The following NREP variants were observed in gnomAD, a reference collection of about 807,000 sequenced individuals.
The protein encoded by NREP is neuronal regeneration-related protein.
A neutral mutation model predicts 8.6 loss-of-function variants in NREP; 5 were observed. That is an observed-to-expected ratio of 0.58 (90% CI 0.30 to 1.22). NREP has a LOEUF of 1.22. Among genes scored for constraint, NREP ranks in the 50% most tolerant of loss-of-function variants. NREP has a pLI of 0.07. For synonymous variants in NREP, 27 were observed against 28.0 expected (o/e 0.96, Z 0.11); for missense variants, 86 against 82.5 (o/e 1.04, Z -0.17).
chr5:111,901,964 G>A (rs1284601981), intron 2 of NREP, among the ~76,000 whole-genome samples: 1 of 152,010 alleles, frequency 6.6e-6, no homozygotes, highest in Non-Finnish European at 1.5e-5. Context: ...AAATTCCTAT[G>A]GAACCACAAA....
chr5:111,840,723 A>G (rs1753008697), intron 2 of NREP, among the ~76,000 whole-genome samples: 1 of 152,128 alleles, frequency 6.6e-6, no homozygotes, highest in Non-Finnish European at 1.5e-5. Flanking sequence ...TACTAAGATG[A>G]ATCAGACACA....
At chr5:111,753,124 T>C (rs1750468606) in intron 2 of NREP, among the ~76,000 whole-genome samples, 1 of 151,532 alleles carries the variant, frequency 6.6e-6, no homozygotes, top group Admixed American at 6.6e-5. Flanking sequence ...AGTTGGAGAA[T>C]GACTTATTGA....
intron 2 of NREP, among the ~76,000 whole-genome samples, chr5:111,885,528 A>G (rs990352008): frequency 6.6e-6 from 1 of 152,216 alleles, no homozygotes; most frequent in Non-Finnish European, 1.5e-5. Context: ...GTCCTAAGCC[A>G]AAAGAACAAA....
At chr5:111,798,318 T>G (rs75009966) in intron 2 of NREP, among the ~76,000 whole-genome samples, 6,168 of 152,304 alleles carry the variant, frequency 0.04, 161 homozygotes, top group Admixed American at 0.05. Context: ...TTTTTCTAAT[T>G]TCATAACTTT....
chr5:111,817,013 TTATTCCTATAACTAG>T (rs1292747130), intron 2 of NREP, among the ~76,000 whole-genome samples: 23 of 152,126 alleles, frequency 1.5e-4, no homozygotes, highest in African/African-American at 5.5e-4. Flanking sequence ...ACCAAATGAT[TTATTCCTATAACTAG>T]TTGATGTGCT....
intron 2 of NREP, among the ~76,000 whole-genome samples, chr5:111,947,872 A>C (rs981800286): frequency 6.6e-6 from 1 of 151,952 alleles, no homozygotes; most frequent in East Asian, 1.9e-4. Context: ...TGATCTTACA[A>C]ATGTCTTCCT....
intron 2 of NREP, among the ~76,000 whole-genome samples, chr5:111,871,145 A>G (rs1307237745): frequency 3.3e-5 from 5 of 151,470 alleles, no homozygotes; most frequent in Non-Finnish European, 7.4e-5. Flanking sequence ...AGGCAACTTC[A>G]TCATTGTGCA....
intron 2 of NREP, among the ~76,000 whole-genome samples, chr5:111,845,134 C>G (rs999108134): frequency 1.3e-5 from 2 of 152,036 alleles, no homozygotes; most frequent in African/African-American, 4.8e-5. Context: ...AGACCTTGTG[C>G]TAGGGTCTAA....
At chr5:111,835,465 G>T (rs1438573903) in intron 2 of NREP, among the ~76,000 whole-genome samples, 1 of 152,072 alleles carries the variant, frequency 6.6e-6, no homozygotes, top group African/African-American at 2.4e-5. Context: ...AATTATAAAG[G>T]TAGGGGCATG....
intron 2 of NREP, among the ~76,000 whole-genome samples, chr5:111,790,949 A>G (rs973787169): frequency 6.6e-6 from 1 of 152,178 alleles, no homozygotes; most frequent in African/African-American, 2.4e-5. Flanking sequence ...TGGGTTCAGC[A>G]GGGCCAACTG....
In NREP at chr5:111,784,851, A is replaced by G. The variant is rs187608102; in HGVS notation, c.136-49344T>C. Among the ~76,000 whole-genome samples the G allele has an allele frequency of 1.3e-3, 193 of 152,302 alleles. 2 individuals carry two copies. The East Asian group carries it at 0.031, about 25-fold the overall frequency. ...TTTTCAAGGTTCCCAATCATCACTC[A>G]TTTCACTTATTTTTATAAAGAAAGT... is the stretch of plus-strand genomic sequence containing the variant. On this transcript the variant is annotated intron_variant, in intron 2 of 3. Coordinates refer to the NREP transcript ENST00000395634.
chr5:111,840,376 A>G (rs1214380062), intron 2 of NREP, among the ~76,000 whole-genome samples: 2 of 152,094 alleles, frequency 1.3e-5, no homozygotes, highest in African/African-American at 2.4e-5. Flanking sequence ...CTTGTATGTA[A>G]ATTTAAGGAC....
intron 2 of NREP, among the ~76,000 whole-genome samples, chr5:111,850,177 G>C (rs1753274117): frequency 6.6e-6 from 1 of 152,058 alleles, no homozygotes; most frequent in Non-Finnish European, 1.5e-5. Flanking sequence ...ACCCATCCAT[G>C]TCTTTGTCCT....
At chr5:111,815,880 G>C (rs929893918) in intron 2 of NREP, among the ~76,000 whole-genome samples, 1 of 152,074 alleles carries the variant, frequency 6.6e-6, no homozygotes, top group Non-Finnish European at 1.5e-5. Context: ...GACACCACAC[G>C]TAAGATAAGG....
chr5:111,902,188 T>G (rs1000318947), intron 2 of NREP, among the ~76,000 whole-genome samples: 1 of 152,030 alleles, frequency 6.6e-6, no homozygotes. Flanking sequence ...ACCAAGAACA[T>G]ACATTGGAGT....
At chr5:111,902,604 G>A (rs550263627) in intron 2 of NREP, among the ~76,000 whole-genome samples, 1 of 152,278 alleles carries the variant, frequency 6.6e-6, no homozygotes, top group East Asian at 1.9e-4. Flanking sequence ...ACAGATTTGG[G>A]GAATGCTGGA....
In NREP at chr5:111,736,678, GTAAC is replaced by G. The variant is rs555864802; in HGVS notation, c.4-1175_4-1172del. Reference sequence around the variant, plus strand: ...GTTCACTCTTCGGAATAATTGAACAGTAACTAACTATCTTTGCTCTACACCAGTG... The same window carrying G: ...GTTCACTCTTCGGAATAATTGAACAGTAACTATCTTTGCTCTACACCAGTG... On this transcript the variant is annotated intron_variant, in intron 2 of 3. Coordinates refer to ENST00000257435, the MANE Select transcript of NREP (RefSeq NM_004772.4). Among the ~76,000 whole-genome samples, 734 of 152,224 alleles carry G rather than the reference GTAAC, an allele frequency of 4.8e-3. 9 individuals carry two copies. The highest frequency in any genetic ancestry group is 0.016 in the African/African-American group (654 of 41,530).
At chr5:111,913,059 G>C (rs370689961) in intron 2 of NREP, among the ~76,000 whole-genome samples, 75 of 152,178 alleles carry the variant, frequency 4.9e-4, no homozygotes, top group African/African-American at 1.8e-3. Flanking sequence ...CTGTACAGCA[G>C]CCAATATCTT....
intron 2 of NREP, among the ~76,000 whole-genome samples, chr5:111,836,517 T>C (rs1307534212): frequency 1.3e-5 from 2 of 152,116 alleles, no homozygotes; most frequent in East Asian, 3.9e-4. Context: ...CAGTTTTCTT[T>C]GGCTCTCTAC....
Sources: allele counts gnomAD v4.1 joint callset (sites outside exome capture counted in the v4.1 genomes callset), GRCh38; gene constraint gnomAD v4.1.1; transcripts MANE v1.5; gene names NCBI Gene and HGNC (gene_info 2026-07-23, HGNC 2026-07-21).